The following SYNPO2 variants were observed in gnomAD, a reference collection of about 807,000 sequenced individuals.
SYNPO2 encodes the protein synaptopodin 2.
Under a neutral mutation model 85.0 loss-of-function variants are expected in SYNPO2, and 56 were observed. That is an observed-to-expected ratio of 0.66 (90% CI 0.53 to 0.82). The LOEUF (loss-of-function observed/expected upper bound fraction) is 0.82. Ranked by LOEUF, SYNPO2 falls within the 40% of genes least tolerant of loss-of-function variation. SYNPO2 has a pLI of 0.00. For synonymous variants in SYNPO2, 602 were observed against 591.1 expected, an observed-to-expected ratio of 1.02 and a Z score of -0.27; for missense variants, 1,575 against 1,534.2, an observed-to-expected ratio of 1.03 and a Z score of -0.44.
In SYNPO2 at chr4:119,031,090, C is replaced by T. The variant is rs759959851; in HGVS notation, c.2315C>T (p.Pro772Leu). Residue 772 changes from proline (P) to leucine (L), a missense_variant, in exon 4 of 5, where the codon CCA becomes CTA. Pro to Leu is a moderately conservative substitution (Grantham distance 98). Transcript: ENST00000307142. ...KPAVKSSSSQ[P>L]VTPVSPVWSP... The stretch of plus-strand genomic sequence containing the variant: ...GCAGTCAAGTCCTCATCCTCCCAAC[C>T]AGTAACTCCAGTTTCCCCAGTCTGG... 21 of 1,613,994 alleles carry T rather than the reference C, an allele frequency of 1.3e-5. No homozygotes were observed. The highest frequency in any genetic ancestry group is 2.2e-5 in the East Asian group (1 of 44,878).
At chr4:118,999,906 G>A (rs953734292) in intron 1 of SYNPO2, among the ~76,000 whole-genome samples, 4 of 152,180 alleles carry the variant, frequency 2.6e-5, no homozygotes, top group Admixed American at 6.5e-5. Context: ...CAATACCACC[G>A]TGTATTTGCC....
At position 119,030,711 on chromosome 4, in the gene SYNPO2, C is replaced by A. The variant is rs375279463; in HGVS notation, c.1936C>A (p.Pro646Thr). 1.2e-6 allele frequency: 2 copies of A among 1,614,192 alleles called. No homozygotes were observed. The highest frequency in any genetic ancestry group is 1.3e-5 in the African/African-American group (1 of 75,044). Reference sequence around the variant, plus strand: ...AAGTCCGATTGCTGGCCCAGCACAGCCCCCTCCATGGCCCCAGCCTGCCCC... The same window carrying A: ...AAGTCCGATTGCTGGCCCAGCACAGACCCCTCCATGGCCCCAGCCTGCCCC... ...VSSPIAGPAQPPPWPQPAPWS... is the reference protein window; with the variant it reads ...VSSPIAGPAQTPPWPQPAPWS... Residue 646 changes from proline (P) to threonine (T), a missense_variant, in exon 4 of 5, where the codon CCC becomes ACC. This residue lies in a region of SYNPO2 where 1,508 missense variants were observed against 1,446.8 expected (regional missense o/e 1.04). Coordinates refer to ENST00000307142, the MANE Select transcript of SYNPO2 (RefSeq NM_133477.3).
intron 1 of SYNPO2, among the ~76,000 whole-genome samples, chr4:118,866,635 A>G (rs1272871108): frequency 1.3e-5 from 2 of 152,260 alleles, no homozygotes; most frequent in Admixed American, 6.5e-5. Flanking sequence ...GTTGAATTGC[A>G]AAGTGAGAGG....
chr4:118,914,838 G>A (rs576522021), intron 1 of SYNPO2, among the ~76,000 whole-genome samples: 24 of 152,120 alleles, frequency 1.6e-4, no homozygotes, highest in Non-Finnish European at 2.1e-4. Flanking sequence ...GGTAGGAGAG[G>A]GAGAAAGACT....
intron 1 of SYNPO2, among the ~76,000 whole-genome samples, chr4:118,984,835 C>T (rs185425282): frequency 8.5e-4 from 129 of 152,278 alleles, no homozygotes; most frequent in Middle Eastern, 3.4e-3. Flanking sequence ...CAATGCATTT[C>T]ACATGATGGA....
At chr4:119,028,207 C>T (rs1216194792) in intron 3 of SYNPO2, among the ~76,000 whole-genome samples, 2 of 143,802 alleles carry the variant, frequency 1.4e-5, no homozygotes, top group Admixed American at 7.1e-5. Flanking sequence ...TTTTATTTCA[C>T]GTTTATTTTT....
Position 119,027,368 on chromosome 4 carries a change from A to G in SYNPO2, c.999A>G (p.Thr333=). 6.2e-7 allele frequency: 1 copy of G among 1,613,714 alleles called. No individual in the cohort carries two copies. Among genetic ancestry groups the G allele is most frequent in the Non-Finnish European group, 8.5e-7 (1 of 1,179,922 alleles). ...CCTTTGCCGTCTCATCAGAAGGCAC[A>G]GAGCAGGGAGAAGATCCACGCTCGG... is the stretch of plus-strand genomic sequence containing the variant. ...LVSFAVSSEG[T]EQGEDPRSEK... The change falls in exon 3 of 5, where the codon ACA becomes ACG. Residue 333 remains threonine (T), a synonymous_variant. Coordinates refer to ENST00000307142, the MANE Select transcript of SYNPO2 (RefSeq NM_133477.3).
chr4:118,887,253 C>T (rs977375311), upstream of SYNPO2, among the ~76,000 whole-genome samples: 5 of 151,668 alleles, frequency 3.3e-5, no homozygotes, highest in East Asian at 1.9e-4. Context: ...TCCTGCCTTG[C>T]GCCCTAAGCT....
chr4:119,027,125 T>G lies in SYNPO2; in HGVS notation c.756T>G (p.Pro252=), dbSNP rs1737994356. 6.2e-7 allele frequency: 1 copy of G among 1,614,170 alleles called. No individual in the cohort carries two copies. The highest frequency in any genetic ancestry group is 1.1e-5 in the South Asian group (1 of 91,078). ...TCCCTACTAATGAGAAAGCAGACCC[T>G]TTCCTGAGGTCCAGCAAGATAATCC... ...NSIPTNEKAD[P]FLRSSKIIQI... is the part of the protein sequence containing the mutation. Residue 252 remains proline (P), a synonymous_variant, in exon 3 of 5, where the codon CCT becomes CCG. Transcript: ENST00000307142.
intron 1 of SYNPO2, among the ~76,000 whole-genome samples, chr4:118,970,458 A>C (rs1735495678): frequency 6.6e-6 from 1 of 152,180 alleles, no homozygotes; most frequent in Non-Finnish European, 1.5e-5. Flanking sequence ...TCACTAAATA[A>C]AACAATAAGT....
chr4:119,055,610 G>A (rs895506419), intron 4 of SYNPO2, among the ~76,000 whole-genome samples: 5 of 152,164 alleles, frequency 3.3e-5, no homozygotes, highest in African/African-American at 1.2e-4. Flanking sequence ...GTTAATTTAT[G>A]TTAAATGAGT....
At chr4:119,036,403 T>G (rs931585189) in intron 4 of SYNPO2, 2 of 985,340 alleles carry the variant, frequency 2.0e-6, no homozygotes, top group African/African-American at 3.5e-5. Context: ...ATCATTGGAC[T>G]CTGGGGGACA....
chr4:118,935,069 A>G (rs1734055042), intron 1 of SYNPO2, among the ~76,000 whole-genome samples: 1 of 152,158 alleles, frequency 6.6e-6, no homozygotes, highest in African/African-American at 2.4e-5. Context: ...TTAATATTAA[A>G]AAGTTTAGAA....
At chr4:119,015,273 C>T (rs1383875214) in intron 1 of SYNPO2, among the ~76,000 whole-genome samples, 1 of 152,178 alleles carries the variant, frequency 6.6e-6, no homozygotes, top group Middle Eastern at 3.4e-3. Context: ...ACTGCAAGTC[C>T]GCAGCAAAAT....
At chr4:119,036,415 A>G in intron 4 of SYNPO2, 9 of 985,444 alleles carry the variant, frequency 9.1e-6, no homozygotes, top group Non-Finnish European at 9.6e-6. Flanking sequence ...TGGGGGACAC[A>G]AAGATGCCTG....
chr4:118,981,813 T>G (rs551545486), intron 1 of SYNPO2, among the ~76,000 whole-genome samples: 98 of 152,346 alleles, frequency 6.4e-4, no homozygotes, highest in African/African-American at 2.2e-3. Context: ...GCTTCCTTTT[T>G]CCTCATGTAC....
chr4:118,950,313 G>A (rs1415328759), intron 1 of SYNPO2, among the ~76,000 whole-genome samples: 1 of 152,160 alleles, frequency 6.6e-6, no homozygotes, highest in African/African-American at 2.4e-5. Flanking sequence ...CAACAGATCA[G>A]GAGATAATTA....
chr4:118,985,171 G>C (rs1736171735), intron 1 of SYNPO2, among the ~76,000 whole-genome samples: 1 of 132,526 alleles, frequency 7.5e-6, no homozygotes, highest in South Asian at 2.8e-4. Flanking sequence ...CAGAGCCACT[G>C]CTCTAGTAGG....
chr4:118,871,153 A>C (rs1360876466), intron 1 of SYNPO2, among the ~76,000 whole-genome samples: 2 of 152,240 alleles, frequency 1.3e-5, no homozygotes, highest in Admixed American at 1.3e-4. Flanking sequence ...CTAACAGTGC[A>C]TCAACACCAA....
Sources: allele counts gnomAD v4.1 joint callset (sites outside exome capture counted in the v4.1 genomes callset), GRCh38; gene constraint gnomAD v4.1.1; regional missense constraint gnomAD v4.1.1; transcripts MANE v1.5; gene names NCBI Gene and HGNC (gene_info 2026-07-23, HGNC 2026-07-21).